RALGAPA2: variants seen among roughly 807,000 people sequenced by gnomAD.
RALGAPA2 encodes the protein Ral GTPase activating protein catalytic subunit alpha 2.
A neutral mutation model predicts 230.4 loss-of-function variants in RALGAPA2; 139 were observed. The observed-to-expected ratio is 0.60, with a 90% CI of 0.53 to 0.69. RALGAPA2 has a LOEUF of 0.69. Ranked by LOEUF, RALGAPA2 falls within the 30% of genes least tolerant of loss-of-function variation. The pLI is 0.00. For synonymous variants in RALGAPA2, 847 were observed against 837.8 expected, an observed-to-expected ratio of 1.01 and a Z score of -0.19; for missense variants, 2,163 against 2,276.0, an observed-to-expected ratio of 0.95 and a Z score of 1.01.
Position 20,441,224 on chromosome 20 carries a change from T to G in RALGAPA2, c.5496-29076A>C, listed in dbSNP as rs537762641. Among the ~76,000 whole-genome samples the G allele has an allele frequency of 1.3e-4, 20 of 152,386 alleles. No individual in the cohort carries two copies. In the South Asian group the frequency reaches 4.1e-3, roughly 32 times the overall value. On this transcript the variant is annotated intron_variant, in intron 37 of 39. Transcript: ENST00000202677. ...AAGAGGACTCTCACATATTTTGGCATGAATTTACATAAGATGCTTTTTGGG... is the reference window on the plus strand; with the variant it reads ...AAGAGGACTCTCACATATTTTGGCAGGAATTTACATAAGATGCTTTTTGGG...
intron 37 of RALGAPA2, among the ~76,000 whole-genome samples, chr20:20,427,076 C>A (rs907307410): frequency 6.6e-6 from 1 of 152,148 alleles, no homozygotes; most frequent in Non-Finnish European, 1.5e-5. Flanking sequence ...CACGGCCCTG[C>A]CTCTTATGAT....
intron 3 of RALGAPA2, among the ~76,000 whole-genome samples, chr20:20,657,871 T>G (rs1025676237): frequency 1.3e-5 from 2 of 152,220 alleles, no homozygotes; most frequent in African/African-American, 4.8e-5. Flanking sequence ...TACCCACTGT[T>G]CTTCAGGTCT....
intron 38 of RALGAPA2, among the ~76,000 whole-genome samples, chr20:20,409,798 T>C (rs537428935): frequency 1.3e-5 from 2 of 152,250 alleles, no homozygotes; most frequent in Admixed American, 1.3e-4. Context: ...CTCATTGTAC[T>C]GCCCCACATT....
intron 23 of RALGAPA2, among the ~76,000 whole-genome samples, chr20:20,570,713 T>C (rs1166964705): frequency 1.3e-5 from 2 of 152,174 alleles, no homozygotes; most frequent in East Asian, 1.9e-4. Context: ...TATCCTACTA[T>C]CACATTTTCA....
intron 3 of RALGAPA2, among the ~76,000 whole-genome samples, chr20:20,660,228 G>A (rs1456609336): frequency 1.3e-5 from 2 of 148,646 alleles, no homozygotes; most frequent in Non-Finnish European, 3.0e-5. Flanking sequence ...ACTCTGTCTT[G>A]GAAAAAAAAA....
At position 20,589,383 on chromosome 20, in the gene RALGAPA2, G is replaced by A; in HGVS notation, c.2342-18C>T. 1 of 1,560,474 alleles carries A rather than the reference G, an allele frequency of 6.4e-7. No homozygotes were observed. On this transcript the variant is annotated intron_variant, in intron 17 of 39. Coordinates refer to ENST00000202677, the MANE Select transcript of RALGAPA2 (RefSeq NM_020343.4). ...CTTTTGACCTAGAAATGGTGGGGCA[G>A]GGGGGTAGCGGAAATAGAAGGAATG...
chr20:20,649,090 G>GT (rs1309129456), intron 4 of RALGAPA2, among the ~76,000 whole-genome samples: 1 of 152,180 alleles, frequency 6.6e-6, no homozygotes, highest in African/African-American at 2.4e-5. Context: ...AAAACACCAG[G>GT]TGAGTTGGCC....
intron 16 of RALGAPA2, among the ~76,000 whole-genome samples, chr20:20,592,065 C>T (rs979728469): frequency 2.4e-4 from 36 of 152,122 alleles, no homozygotes; most frequent in Non-Finnish European, 1.3e-4. Context: ...ATCACCCCAC[C>T]CTCTCTTTCT....
chr20:20,659,786 A>G, intron 3 of RALGAPA2: 1 of 908,770 alleles, frequency 1.1e-6, no homozygotes, highest in Non-Finnish European at 1.7e-6. Context: ...ACACAGAAAG[A>G]TGGAGAGAAG....
intron 16 of RALGAPA2, chr20:20,598,729 C>G (rs564948055): frequency 6.6e-6 from 3 of 456,292 alleles, no homozygotes; most frequent in South Asian, 1.6e-5. Context: ...TAAGAGAGCG[C>G]TCACGGTGTG....
Position 20,536,721 on chromosome 20 carries a change from C to G in RALGAPA2, c.3349G>C (p.Glu1117Gln). Reference protein sequence around the residue: ...SLVCFPNTYQEIPLLQSVPEV... With the variant: ...SLVCFPNTYQQIPLLQSVPEV... ...GGCACTGACTGCAGTAAAGGAATCT[C>G]CTGGTAGGTATTTGGAAAGCAGACC... Residue 1117 changes from glutamate to glutamine, a missense_variant, in exon 25 of 40, where the codon GAG becomes CAG. By Grantham distance (29) the Glu-to-Gln change is conservative (BLOSUM62 2). Transcript: ENST00000202677. The G allele has an allele frequency of 6.2e-7, 1 of 1,613,136 alleles. No individual in the cohort carries two copies. The highest frequency in any genetic ancestry group is 8.5e-7 in the Non-Finnish European group (1 of 1,179,342).
At chr20:20,641,740 C>G (rs552465491) in intron 5 of RALGAPA2, among the ~76,000 whole-genome samples, 9 of 151,918 alleles carry the variant, frequency 5.9e-5, no homozygotes, top group Non-Finnish European at 1.3e-4. Flanking sequence ...CAAATGCCAG[C>G]AACTGGAGTG....
At chr20:20,608,676 G>T (rs1235554065) in intron 14 of RALGAPA2, among the ~76,000 whole-genome samples, 1 of 152,178 alleles carries the variant, frequency 6.6e-6, no homozygotes, top group Non-Finnish European at 1.5e-5. Context: ...TAACGGCAGC[G>T]TGGGACCAAG....
At chr20:20,407,644 G>C (rs939560039) in intron 38 of RALGAPA2, among the ~76,000 whole-genome samples, 3 of 152,170 alleles carry the variant, frequency 2.0e-5, no homozygotes, top group African/African-American at 7.2e-5. Context: ...TTTAGGAGAA[G>C]ATTTTATTGG....
intron 23 of RALGAPA2, among the ~76,000 whole-genome samples, chr20:20,555,283 T>G (rs1046705208): frequency 6.6e-6 from 1 of 152,240 alleles, no homozygotes; most frequent in African/African-American, 2.4e-5. Flanking sequence ...TTGATCTATA[T>G]GTTTAACCTT....
chr20:20,657,418 C>A (rs1439039334), intron 3 of RALGAPA2, among the ~76,000 whole-genome samples: 1 of 152,230 alleles, frequency 6.6e-6, no homozygotes, highest in Non-Finnish European at 1.5e-5. Flanking sequence ...TGTAGCTGGG[C>A]AGCACATTCT....
At chr20:20,638,962 A>G (rs188631682) in intron 7 of RALGAPA2, among the ~76,000 whole-genome samples, 82 of 152,334 alleles carry the variant, frequency 5.4e-4, no homozygotes, top group Middle Eastern at 6.8e-3. Flanking sequence ...CAGAGAAAAT[A>G]TCAGAAGAGG....
rs75811181 is a variant in RALGAPA2, at chr20:20,404,143, C to T, written c.5618-7409G>A. ...TTTCCCTATTCTTTCTCGGCATTGT[C>T]TACTGTGATGCTACTAGGTTTCTTG... On this transcript the variant is annotated intron_variant, in intron 38 of 39. Transcript: ENST00000202677. 4.0e-4 allele frequency among the ~76,000 whole-genome samples: 61 copies of T among 152,248 alleles called. No individual in the cohort carries two copies. The East Asian group carries it at 6.0e-3, about 15-fold the overall frequency.
intron 37 of RALGAPA2, 77 bp from the exon 38 acceptor site, chr20:20,412,225 C>A: frequency 6.4e-7 from 1 of 1,560,338 alleles, no homozygotes; most frequent in South Asian, 1.1e-5. Flanking sequence ...CTTTTAATAC[C>A]GTTGTGCAAT....
Sources: gnomAD v4.1 joint callset for allele counts (sites outside exome capture counted in the v4.1 genomes callset) on GRCh38, gnomAD v4.1.1 for gene constraint, MANE v1.5 for transcripts, NCBI Gene and HGNC (gene_info 2026-07-23, HGNC 2026-07-21) for gene names.